SPEN: variants seen among roughly 807,000 people sequenced by gnomAD.
SPEN encodes the protein msx2-interacting protein.
Under a neutral mutation model 269.9 loss-of-function variants are expected in SPEN, and 18 were observed. The ratio of observed to expected loss-of-function variants is 0.07; its 90% confidence interval spans 0.05 to 0.10. SPEN has a LOEUF of 0.10. Among genes scored for constraint, SPEN ranks in the 10% least tolerant of loss-of-function variants. The pLI, the probability that SPEN is intolerant of heterozygous loss-of-function variation, is 1.00. For missense variants in SPEN, 3,822 were observed against 4,631.2 expected, an observed-to-expected ratio of 0.83 and a Z score of 5.07; for synonymous variants, 1,726 against 1,765.7, an observed-to-expected ratio of 0.98 and a Z score of 0.56.
chr1:15,856,955 A>G (rs765788504), intron 1 of SPEN, among the ~76,000 whole-genome samples: 1 of 152,160 alleles, frequency 6.6e-6, no homozygotes, highest in Non-Finnish European at 1.5e-5. Flanking sequence ...ATTCTATCTC[A>G]GGAATTTTGA....
chr1:15,902,962 T>TA (rs549279316), intron 3 of SPEN, among the ~76,000 whole-genome samples: 17 of 149,190 alleles, frequency 1.1e-4, no homozygotes, highest in South Asian at 2.1e-4. Context: ...CTTCCAGCTT[T>TA]AAAAAAAAAA....
intron 1 of SPEN, among the ~76,000 whole-genome samples, chr1:15,858,952 A>G (rs1314033465): frequency 1.3e-5 from 2 of 152,182 alleles, no homozygotes; most frequent in Admixed American, 6.6e-5. Flanking sequence ...TCAAAAAACA[A>G]ACAAACAAAA....
chr1:15,909,318 C>T lies in SPEN; in HGVS notation c.882-3C>T, dbSNP rs771966823. On this transcript the variant is annotated splice_region_variant and splice_polypyrimidine_tract_variant and intron_variant, in intron 3 of 14. Coordinates refer to ENST00000375759, the MANE Select transcript of SPEN (RefSeq NM_015001.3). Reference sequence around the variant, plus strand: ...AAAGTTTGTTGTTGTTGCCTTTTTGCAGCAGTGATTCCAGCAGTAGTTCAA... The same window carrying T: ...AAAGTTTGTTGTTGTTGCCTTTTTGTAGCAGTGATTCCAGCAGTAGTTCAA... 6.2e-7 allele frequency: 1 copy of T among 1,600,686 alleles called. No individual in the cohort carries two copies. The highest frequency in any genetic ancestry group is 8.5e-7 in the Non-Finnish European group (1 of 1,175,696).
At position 15,935,609 on chromosome 1, in the gene SPEN, G is replaced by A. The variant is rs377126568; in HGVS notation, c.9369G>A (p.Pro3123=). Residue 3123 remains proline, a synonymous_variant, in exon 11 of 15, where the codon CCG becomes CCA. Transcript: ENST00000375759. This position sits in a 1 kb window ranked among gnomAD's most constrained non-coding sequence, Gnocchi z 7.7. ...AAGCGCTTCACTCTCCTCGGGCTCC[G>A]CTGCAGCCCCAGCAAATAGAGGTCA... ...RPEALHSPRA[P]LQPQQIEVRA... The A allele has an allele frequency of 8.7e-6, 14 of 1,613,942 alleles. No individual in the cohort carries two copies. Among genetic ancestry groups the A allele is most frequent in the African/African-American group, 5.3e-5 (4 of 74,868 alleles).
rs776941444 is a variant in SPEN, at chr1:15,936,172, T to C, written c.9932T>C (p.Ile3311Thr). ...ELFQEYRYGD[I>T]RTYHPPAQLT... Reference sequence around the variant, plus strand: ...TTTCAAGAGTACCGGTACGGCGACATCCGCACCTACCACCCCCCGGCCCAG... The same window carrying C: ...TTTCAAGAGTACCGGTACGGCGACACCCGCACCTACCACCCCCCGGCCCAG... The change falls in exon 11 of 15, where the codon ATC becomes ACC. Residue 3311 changes from isoleucine to threonine, a missense_variant. Transcript: ENST00000375759. The C allele has an allele frequency of 6.2e-7, 1 of 1,605,832 alleles. No individual in the cohort carries two copies. The highest frequency in any genetic ancestry group is 2.2e-5 in the East Asian group (1 of 44,634).
Position 15,935,902 on chromosome 1 carries a change from C to T in SPEN, c.9662C>T (p.Pro3221Leu), listed in dbSNP as rs1188739676. 1 of 1,612,936 alleles carries T rather than the reference C, an allele frequency of 6.2e-7. No homozygotes were observed. Among genetic ancestry groups the T allele is most frequent in the Non-Finnish European group, 8.5e-7 (1 of 1,179,900 alleles). Residue 3221 changes from proline (P) to leucine (L), a missense_variant, in exon 11 of 15, where the codon CCA (proline) becomes CTA (leucine). Physicochemically the swap from Pro to Leu is moderately conservative, Grantham distance 98. Around this residue, in one of 16 missense-constraint regions of SPEN, gnomAD observed 359 missense variants for 377.3 expected, o/e 0.95. Transcript: ENST00000375759. This position sits in a 1 kb window ranked among gnomAD's most constrained non-coding sequence, Gnocchi z 7.7. ...GCGGATGGGGTGGTGAAGGTGCCAC[C>T]AGCCAGCAAGGCCCCTCAGCAGCCA... ...RAADGVVKVP[P>L]ASKAPQQPGK...
At position 15,871,851 on chromosome 1, in the gene SPEN, A is replaced by G. The variant is rs549191257; in HGVS notation, c.84-965A>G. 3.3e-5 allele frequency among the ~76,000 whole-genome samples: 5 copies of G among 152,312 alleles called. No individual in the cohort carries two copies. In the East Asian group the frequency reaches 5.8e-4, roughly 18 times the overall value. ...AGCTATGTATAGTTTTTATTTTAAT[A>G]TAAGTTTTACAGATTTTTAAATTAC... On this transcript the variant is annotated intron_variant, in intron 1 of 14. Transcript: ENST00000375759.
rs1184750000 is a variant in SPEN, at chr1:15,932,846, C to T, written c.6606C>T (p.Asp2202=). The change falls in exon 11 of 15, where the codon GAC becomes GAT. Residue 2202 remains aspartate, a synonymous_variant. Coordinates refer to ENST00000375759, the MANE Select transcript of SPEN (RefSeq NM_015001.3). This position sits in a 1 kb window ranked among gnomAD's most constrained non-coding sequence, Gnocchi z 4.2. ...ADAPEGLAPE[D]RDKPAHQASE... ...CACCAGAGGGCCTTGCCCCAGAGGACAGGGACAAGCCTGCACACCAAGCAA... is the reference window on the plus strand; with the variant it reads ...CACCAGAGGGCCTTGCCCCAGAGGATAGGGACAAGCCTGCACACCAAGCAA... The T allele has an allele frequency of 1.2e-6, 2 of 1,614,110 alleles. No individual in the cohort carries two copies. Among genetic ancestry groups the T allele is most frequent in the Non-Finnish European group, 1.7e-6 (2 of 1,180,044 alleles).
chr1:15,857,881 G>A (rs1358645405), intron 1 of SPEN, among the ~76,000 whole-genome samples: 1 of 151,936 alleles, frequency 6.6e-6, no homozygotes. Context: ...TGTAATCCCA[G>A]CACTTTGGGA....
Position 15,935,306 on chromosome 1 carries a change from T to C in SPEN, c.9066T>C (p.Asp3022=), listed in dbSNP as rs373142986. The C allele has an allele frequency of 6.2e-7, 1 of 1,614,114 alleles. No individual in the cohort carries two copies. The highest frequency in any genetic ancestry group is 8.5e-7 in the Non-Finnish European group (1 of 1,180,010). The change falls in exon 11 of 15, where the codon GAT becomes GAC. Residue 3022 remains aspartate (D), a synonymous_variant. Coordinates refer to ENST00000375759, the MANE Select transcript of SPEN (RefSeq NM_015001.3). This position sits in a 1 kb window ranked among gnomAD's most constrained non-coding sequence, Gnocchi z 7.7. ...CCCATTTGGCAGCTGCAAAGCTAGA[T>C]GCTCATTCTCCTCGACCAAGTGGAC... ...TVSHLAAAKL[D]AHSPRPSGPG...
chr1:15,851,925 G>A (rs2070340421), intron 1 of SPEN, among the ~76,000 whole-genome samples: 1 of 152,170 alleles, frequency 6.6e-6, no homozygotes, highest in Non-Finnish European at 1.5e-5. Context: ...GGAGGTTTCA[G>A]TGAGCTGAGA....
chr1:15,922,130 T>C (rs1279598487), intron 9 of SPEN, 119 bp from the exon 10 acceptor site: 2 of 694,258 alleles, frequency 2.9e-6, no homozygotes, highest in Admixed American at 2.9e-5. Flanking sequence ...TTGAGATACA[T>C]TGCTGTTTCC....
intron 3 of SPEN, among the ~76,000 whole-genome samples, chr1:15,898,558 C>CTTTTTT (rs375319827): frequency 1.7e-4 from 22 of 131,974 alleles, no homozygotes; most frequent in Non-Finnish European, 1.8e-4. Context: ...TTCTTTTTTT[C>CTTTTTT]TTTTTTTTTT....
intron 3 of SPEN, among the ~76,000 whole-genome samples, chr1:15,893,088 A>G (rs2148719948): frequency 6.6e-6 from 1 of 152,296 alleles, no homozygotes; most frequent in East Asian, 1.9e-4. Context: ...ACAAGAGTGA[A>G]ACTCTGTCTC....
chr1:15,912,492 C>A (rs2071021081), intron 5 of SPEN, among the ~76,000 whole-genome samples: 1 of 151,958 alleles, frequency 6.6e-6, no homozygotes, highest in African/African-American at 2.4e-5. Flanking sequence ...TTGTAATATT[C>A]ATTTATTAGA....
chr1:15,892,797 A>C (rs1258640858), intron 3 of SPEN, among the ~76,000 whole-genome samples: 1 of 152,152 alleles, frequency 6.6e-6, no homozygotes, highest in Admixed American at 6.6e-5. Context: ...TTTATTTTTA[A>C]AATTTAAAAA....
In SPEN at chr1:15,930,354, G is replaced by A; in HGVS notation, c.4114G>A (p.Asp1372Asn). The A allele has an allele frequency of 6.2e-7, 1 of 1,613,622 alleles. No homozygotes were observed. The change falls in exon 11 of 15, where the codon GAT (aspartate) becomes AAT (asparagine). Residue 1372 changes from aspartate to asparagine, a missense_variant. Around this residue, in one of 16 missense-constraint regions of SPEN, gnomAD observed 267 missense variants for 315.5 expected, o/e 0.85. Transcript: ENST00000375759. This position sits in a 1 kb window ranked among gnomAD's most constrained non-coding sequence, Gnocchi z 5.3. ...TAGCCTTCGAAAAAGGTCTGTACGA[G>A]ATCTGGAACCTGGTGAGGTGCCTTC... ...RDSLRKRSVRDLEPGEVPSDS... is the reference protein window; with the variant it reads ...RDSLRKRSVRNLEPGEVPSDS...
rs1439653531 is a variant in SPEN, at chr1:15,847,868, C to T, written c.-200C>T. On this transcript the variant is annotated 5_prime_UTR_variant, in exon 1 of 15. Coordinates refer to ENST00000375759, the MANE Select transcript of SPEN (RefSeq NM_015001.3). ...GGTGTGTGGTGGCGGCAGAGCTGAG[C>T]TGCGAGGCCCGAGAGTCAGAACCTG... 1 of 275,360 alleles carries T rather than the reference C, an allele frequency of 3.6e-6. No homozygotes were observed. Among genetic ancestry groups the T allele is most frequent in the Admixed American group, 5.3e-5 (1 of 18,726 alleles). 17.1% of individuals were successfully genotyped at this position (275,360 alleles called of 1,614,324 possible).
At position 15,916,229 on chromosome 1, in the gene SPEN, A is replaced by G; in HGVS notation, c.1345A>G (p.Thr449Ala). 6.2e-7 allele frequency: 1 copy of G among 1,614,082 alleles called. No individual in the cohort carries two copies. Among genetic ancestry groups the G allele is most frequent in the Non-Finnish European group, 8.5e-7 (1 of 1,180,000 alleles). Residue 449 changes from threonine to alanine, a missense_variant, in exon 6 of 15, where the codon ACT becomes GCT. Transcript: ENST00000375759. Reference sequence around the variant, plus strand: ...CTTTATTGGCAACCTTGAAAAAACCACTACTTACCATGACCTTCGCAACAT... The same window carrying G: ...CTTTATTGGCAACCTTGAAAAAACCGCTACTTACCATGACCTTCGCAACAT... ...TLFIGNLEKT[T>A]TYHDLRNIFQ... is the part of the protein sequence containing the mutation.
Sources: gnomAD v4.1 joint callset for allele counts (sites outside exome capture counted in the v4.1 genomes callset) on GRCh38, gnomAD v4.1.1 for gene constraint, gnomAD v4.1.1 regional missense constraint, Gnocchi (gnomAD v3.1) non-coding constraint, MANE v1.5 for transcripts, NCBI Gene and HGNC (gene_info 2026-07-23, HGNC 2026-07-21) for gene names.